MTMR10: variants seen among roughly 807,000 people sequenced by gnomAD.
MTMR10 encodes myotubularin-related protein 10.
In MTMR10, 56 loss-of-function variants were observed where a neutral mutation model predicts 88.1. That is an observed-to-expected ratio of 0.64 (90% CI 0.51 to 0.79). MTMR10 has a LOEUF of 0.79. MTMR10 is among the 30% of genes least tolerant of loss of function. The pLI is 0.00. For synonymous variants in MTMR10, 380 were observed against 340.9 expected, an observed-to-expected ratio of 1.11 and a Z score of -1.26; for missense variants, 883 against 924.7, an observed-to-expected ratio of 0.95 and a Z score of 0.58.
rs946785321 is a variant in MTMR10, at chr15:30,982,873, G to A, written c.122-5918C>T. Among the ~76,000 whole-genome samples the A allele has an allele frequency of 3.9e-5, 6 of 152,294 alleles. 1 individual carries two copies. In the South Asian group the frequency reaches 1.2e-3, roughly 32 times the overall value. On this transcript the variant is annotated intron_variant, in intron 2 of 15. Transcript: ENST00000435680. ...CTGTCATAAGCTCCTGCCATGCACT[G>A]AAACACTGTGGGCCAGAAAACTAGC...
chr15:30,942,247 T>G, intron 15 of MTMR10, 175 bp from the exon 16 acceptor site: 2 of 807,920 alleles, frequency 2.5e-6, no homozygotes, highest in Non-Finnish European at 3.8e-6. Context: ...GGAATTACAC[T>G]TTTTTATGTG....
At chr15:30,964,696 G>A (rs1261147240) in intron 6 of MTMR10, among the ~76,000 whole-genome samples, 1 of 152,210 alleles carries the variant, frequency 6.6e-6, no homozygotes, top group East Asian at 1.9e-4. Flanking sequence ...CACAGTGAAA[G>A]GTGGGTCATC....
At chr15:30,938,319 C>G (rs1343545275), downstream of MTMR10, among the ~76,000 whole-genome samples, 1 of 152,108 alleles carries the variant, frequency 6.6e-6, no homozygotes, top group Non-Finnish European at 1.5e-5. Flanking sequence ...TTATGATTAT[C>G]TAAGAAGGGC....
Position 30,982,849 on chromosome 15 carries a change from T to C in MTMR10, c.122-5894A>G, listed in dbSNP as rs985683673. On this transcript the variant is annotated intron_variant, in intron 2 of 15. Transcript: ENST00000435680. ...AAAAAAAGGAATGCTGAAGAGGAGC[T>C]GTCATAAGCTCCTGCCATGCACTGA... Among the ~76,000 whole-genome samples the C allele has an allele frequency of 2.6e-5, 4 of 152,342 alleles. No homozygotes were observed. In the East Asian group the frequency reaches 7.7e-4, roughly 29 times the overall value.
At chr15:30,951,900 G>C in intron 12 of MTMR10, 68 bp downstream of exon 12, 2 of 1,300,130 alleles carry the variant, frequency 1.5e-6, no homozygotes, top group Non-Finnish European at 1.1e-6. Flanking sequence ...TACTTGAATG[G>C]GGACAAGCAG....
chr15:30,926,934 A>G, the MTMR10 span: 27 of 985,056 alleles, frequency 2.7e-5, no homozygotes, highest in South Asian at 9.4e-5. Context: ...AGCGATCTCA[A>G]CCTCTTCTGG....
intron 6 of MTMR10, among the ~76,000 whole-genome samples, chr15:30,962,401 T>C (rs1291132062): frequency 6.6e-6 from 1 of 152,228 alleles, no homozygotes; most frequent in African/African-American, 2.4e-5. Flanking sequence ...TTCTGCTGCA[T>C]TTAAACCAGC....
chr15:30,982,764 A>G (rs1418077753), intron 2 of MTMR10, among the ~76,000 whole-genome samples: 1 of 152,210 alleles, frequency 6.6e-6, no homozygotes, highest in Non-Finnish European at 1.5e-5. Flanking sequence ...CCAGTCTTTA[A>G]AATATTTGGA....
At chr15:30,988,622 T>G (rs781702634) in intron 2 of MTMR10, among the ~76,000 whole-genome samples, 2 of 152,196 alleles carry the variant, frequency 1.3e-5, no homozygotes, top group African/African-American at 4.8e-5. Flanking sequence ...TAACCCTCAG[T>G]GAGAAAGTTC....
chr15:30,991,512 C>G lies in MTMR10; in HGVS notation c.-6G>C, dbSNP rs763821711. ...GGCGGCTTGAGGGAGAACATGGTGCCGCCGCCTTTTCGCCCCGTTCCCGTC... is the reference window on the plus strand; with the variant it reads ...GGCGGCTTGAGGGAGAACATGGTGCGGCCGCCTTTTCGCCCCGTTCCCGTC... On this transcript the variant is annotated 5_prime_UTR_variant, in exon 1 of 16. Coordinates refer to ENST00000435680, the MANE Select transcript of MTMR10 (RefSeq NM_017762.3). 5 of 1,531,684 alleles carry G rather than the reference C, an allele frequency of 3.3e-6. No homozygotes were observed. Among genetic ancestry groups the G allele is most frequent in the East Asian group, 2.7e-5 (1 of 37,064 alleles). The allele number at this position is 1,531,684 out of a possible 1,614,324, so 94.9% of individuals were successfully genotyped here.
chr15:30,929,806 A>T, the MTMR10 span, among the ~76,000 whole-genome samples: 30 of 60,610 alleles, frequency 4.9e-4, 5 homozygotes, highest in African/African-American at 2.5e-3. Flanking sequence ...TAATATATAA[A>T]ATATATAATA....
chr15:30,979,817 G>C (rs2030434562), intron 2 of MTMR10, among the ~76,000 whole-genome samples: 1 of 152,226 alleles, frequency 6.6e-6, no homozygotes, highest in Non-Finnish European at 1.5e-5. Context: ...ACAAAGAAGA[G>C]GAGGAGAATA....
the MTMR10 span, among the ~76,000 whole-genome samples, chr15:30,930,114 G>T: frequency 6.7e-6 from 1 of 150,002 alleles, no homozygotes; most frequent in Non-Finnish European, 1.5e-5. Context: ...AAACATACTA[G>T]GGTGTTAGAA....
At chr15:30,990,710 T>G in intron 2 of MTMR10, 67 bp downstream of exon 2, 2 of 1,330,116 alleles carry the variant, frequency 1.5e-6, no homozygotes, top group Non-Finnish European at 2.1e-6. Context: ...ATGATACTAG[T>G]CGGCAGAATA....
Position 30,976,912 on chromosome 15 carries a change from A to G in MTMR10, c.165T>C (p.Ile55=), listed in dbSNP as rs2030194501. The part of the protein sequence containing the change: ...VNEVNFVRKC[I]ATDTSQYDLW... ...AATCGTACTGGCTTGTGTCTGTTGC[A>G]ATGCATTTTCTCACAAAATTGACTT... Residue 55 remains isoleucine, a synonymous_variant, in exon 3 of 16, where the codon ATT becomes ATC. Coordinates refer to ENST00000435680, the MANE Select transcript of MTMR10 (RefSeq NM_017762.3). 1.9e-6 allele frequency: 3 copies of G among 1,613,684 alleles called. No individual in the cohort carries two copies. The highest frequency in any genetic ancestry group is 1.7e-6 in the Non-Finnish European group (2 of 1,179,792).
At chr15:30,948,804 GTAA>G in intron 12 of MTMR10, 1 of 326,960 alleles carries the variant, frequency 3.1e-6, no homozygotes. Flanking sequence ...TAAGTATAAG[GTAA>G]TCTTTCTACT....
rs1432275944 is a variant in MTMR10 at position 30,940,111 on chromosome 15, A to AT, written c.*1358dup. On this transcript the variant is annotated 3_prime_UTR_variant, in exon 16 of 16. Coordinates refer to ENST00000435680, the MANE Select transcript of MTMR10 (RefSeq NM_017762.3). The stretch of plus-strand genomic sequence containing the variant: ...AGACACTTTACTATAAAAATTTTCC[A>AT]TATCTTAGGATGGCAGTTTAAGAAA... 2.0e-6 allele frequency: 2 copies of AT among 985,218 alleles called. No individual in the cohort carries two copies. Among genetic ancestry groups the AT allele is most frequent in the Non-Finnish European group, 2.4e-6 (2 of 829,840 alleles). 61.0% of individuals were successfully genotyped at this position (985,218 alleles called of 1,614,324 possible).
chr15:30,959,875 G>A (rs1209073298), intron 7 of MTMR10, among the ~76,000 whole-genome samples: 2 of 151,784 alleles, frequency 1.3e-5, no homozygotes, highest in East Asian at 1.9e-4. Context: ...CTTAAAATAA[G>A]GCATTCCAAA....
At chr15:30,929,972 AAT>A in the MTMR10 span, among the ~76,000 whole-genome samples, 1 of 126,090 alleles carries the variant, frequency 7.9e-6, no homozygotes, top group Non-Finnish European at 1.6e-5. Flanking sequence ...TAATATATAA[AAT>A]ATATAATATA....
Sources: allele counts gnomAD v4.1 joint callset (sites outside exome capture counted in the v4.1 genomes callset), GRCh38; gene constraint gnomAD v4.1.1; transcripts MANE v1.5; gene names NCBI Gene and HGNC (gene_info 2026-07-23, HGNC 2026-07-21).